ASIC2: variants seen among roughly 807,000 people sequenced by gnomAD.
The protein encoded by ASIC2 is acid sensing ion channel subunit 2, also known as acid-sensing ion channel 2.
In ASIC2, 25 loss-of-function variants were observed where a neutral mutation model predicts 57.3. The observed-to-expected ratio is 0.44, with a 90% CI of 0.32 to 0.61. The LOEUF is 0.61. ASIC2 is among the 20% of genes least tolerant of loss of function. The pLI is 0.06. For missense variants in ASIC2, 641 were observed against 738.1 expected (o/e 0.87, Z 1.52); for synonymous variants, 319 against 307.5 (o/e 1.04, Z -0.39).
intron 1 of ASIC2, among the ~76,000 whole-genome samples, chr17:33,408,782 G>A (rs895430190): frequency 1.3e-5 from 2 of 152,178 alleles, no homozygotes; most frequent in Non-Finnish European, 2.9e-5. Flanking sequence ...TTGATGTCTC[G>A]GGTAAGGCAG....
At chr17:33,560,693 T>TTAGCAGGA (rs1916046289) in intron 1 of ASIC2, among the ~76,000 whole-genome samples, 1 of 152,196 alleles carries the variant, frequency 6.6e-6, no homozygotes, top group South Asian at 2.1e-4. Flanking sequence ...ACCATGGAGG[T>TTAGCAGGA]TAGCAGGAGA....
intron 1 of ASIC2, among the ~76,000 whole-genome samples, chr17:33,176,605 A>G (rs542799129): frequency 3.9e-5 from 6 of 152,220 alleles, no homozygotes; most frequent in Non-Finnish European, 8.8e-5. Context: ...TTGGCCTCCC[A>G]AAGTGCAGGG....
At chr17:33,807,216 G>A (rs1462243544) in intron 1 of ASIC2, among the ~76,000 whole-genome samples, 1 of 152,204 alleles carries the variant, frequency 6.6e-6, no homozygotes, top group Admixed American at 6.5e-5. Context: ...TTTGGGTAAG[G>A]AGCAAACACT....
chr17:33,784,896 A>G (rs992330463), intron 1 of ASIC2, among the ~76,000 whole-genome samples: 6 of 152,098 alleles, frequency 3.9e-5, no homozygotes, highest in South Asian at 4.2e-4. Flanking sequence ...TTTTACCCGT[A>G]CTTTATCATT....
chr17:33,175,465 T>G (rs985886109), intron 1 of ASIC2, among the ~76,000 whole-genome samples: 1 of 106,486 alleles, frequency 9.4e-6, no homozygotes, highest in African/African-American at 5.7e-5. Context: ...TATTTTATTG[T>G]TTTTTTTTTC....
intron 1 of ASIC2, among the ~76,000 whole-genome samples, chr17:33,745,802 G>A (rs1000732084): frequency 1.3e-5 from 2 of 152,118 alleles, no homozygotes; most frequent in African/African-American, 4.8e-5. Context: ...ACTAAAGGAA[G>A]TGCTTCATGT....
chr17:33,127,154 C>G (rs906748464), intron 1 of ASIC2, among the ~76,000 whole-genome samples: 7 of 152,226 alleles, frequency 4.6e-5, no homozygotes, highest in Admixed American at 1.3e-4. Flanking sequence ...CAGGCGTGAG[C>G]CACCGCTCCC....
At chr17:33,295,044 TG>T (rs141505862), upstream of ASIC2, among the ~76,000 whole-genome samples, 1,615 of 152,344 alleles carry the variant, frequency 0.011, 25 homozygotes, top group African/African-American at 0.037. Context: ...AGGACAAGCA[TG>T]TGCCATCTTC....
intron 1 of ASIC2, among the ~76,000 whole-genome samples, chr17:33,227,963 G>C (rs1907950231): frequency 6.6e-6 from 1 of 152,210 alleles, no homozygotes; most frequent in Non-Finnish European, 1.5e-5. Flanking sequence ...AGGAAGTAGA[G>C]AGATGAGAGA....
chr17:33,818,251 ATACTC>A (rs1567724363), intron 1 of ASIC2, among the ~76,000 whole-genome samples: 1 of 152,238 alleles, frequency 6.6e-6, no homozygotes, highest in Non-Finnish European at 1.5e-5. Flanking sequence ...GGGAATAAGA[ATACTC>A]TATTGTAAAA....
At chr17:33,175,141 T>C (rs1197332258) in intron 1 of ASIC2, among the ~76,000 whole-genome samples, 1 of 152,230 alleles carries the variant, frequency 6.6e-6, no homozygotes, top group African/African-American at 2.4e-5. Flanking sequence ...GATTATAAAA[T>C]AGCTGACATA....
chr17:33,507,189 A>G (rs957560945), intron 1 of ASIC2, among the ~76,000 whole-genome samples: 1 of 152,194 alleles, frequency 6.6e-6, no homozygotes, highest in Non-Finnish European at 1.5e-5. Flanking sequence ...TCTGTTTACA[A>G]TGCTGCCTCA....
At chr17:33,854,328 G>A (rs576106607) in intron 1 of ASIC2, among the ~76,000 whole-genome samples, 4 of 152,332 alleles carry the variant, frequency 2.6e-5, no homozygotes, top group Non-Finnish European at 5.9e-5. Context: ...CATGTGTGCA[G>A]ACCCTCAAGG....
chr17:33,581,985 G>A (rs1354092373), intron 1 of ASIC2, among the ~76,000 whole-genome samples: 1 of 152,156 alleles, frequency 6.6e-6, no homozygotes, highest in Non-Finnish European at 1.5e-5. Context: ...CTCAGATTCC[G>A]TGTCCCCACA....
At chr17:34,109,908 G>C (rs544044413) in intron 1 of ASIC2, among the ~76,000 whole-genome samples, 97 of 152,110 alleles carry the variant, frequency 6.4e-4, no homozygotes, top group Non-Finnish European at 8.7e-4. Context: ...ATACTGTATA[G>C]ATTTTATGAC....
At chr17:33,366,766 A>T (rs559758257) in intron 1 of ASIC2, among the ~76,000 whole-genome samples, 22 of 152,284 alleles carry the variant, frequency 1.4e-4, no homozygotes, top group Non-Finnish European at 3.1e-4. Context: ...TAATTTTTTT[A>T]AAAAAGGAAC....
chr17:33,300,112 C>T (rs1905890841), intron 1 of ASIC2, among the ~76,000 whole-genome samples: 1 of 152,180 alleles, frequency 6.6e-6, no homozygotes, highest in Admixed American at 6.5e-5. Context: ...TTCTCCACCC[C>T]ATCCCCAGCC....
intron 1 of ASIC2, among the ~76,000 whole-genome samples, chr17:33,230,303 T>C (rs1375332745): frequency 6.6e-6 from 1 of 152,266 alleles, no homozygotes; most frequent in Non-Finnish European, 1.5e-5. Flanking sequence ...TCTACTTTGC[T>C]GGGCTCAGAA....
At chr17:34,095,238 G>A (rs1172557099) in intron 1 of ASIC2, among the ~76,000 whole-genome samples, 1 of 152,082 alleles carries the variant, frequency 6.6e-6, no homozygotes, top group African/African-American at 2.4e-5. Context: ...ACAGAGCTCT[G>A]GAGCCCCAGG....
Sources: allele counts gnomAD v4.1 joint callset (sites outside exome capture counted in the v4.1 genomes callset), GRCh38; gene constraint gnomAD v4.1.1; transcripts MANE v1.5; gene names NCBI Gene and HGNC (gene_info 2026-07-23, HGNC 2026-07-21).